PRKG1: variants seen among roughly 807,000 people sequenced by gnomAD.
PRKG1 encodes cGMP-dependent protein kinase 1.
A neutral mutation model predicts 88.1 loss-of-function variants in PRKG1; 35 were observed. The ratio of observed to expected loss-of-function variants is 0.40; its 90% CI spans 0.30 to 0.53. PRKG1 has a LOEUF of 0.53. PRKG1 is among the 20% of genes least tolerant of loss of function. The probability of loss-of-function intolerance (pLI) is 0.59; values close to 1 mark genes in which losing one functional copy is unlikely to be tolerated. For missense variants in PRKG1, 540 were observed against 839.8 expected (o/e 0.64, Z 4.41); for synonymous variants, 303 against 292.5 (o/e 1.04, Z -0.37).
chr10:51,976,776 A>G (rs1301582194), intron 5 of PRKG1, among the ~76,000 whole-genome samples: 2 of 152,020 alleles, frequency 1.3e-5, no homozygotes, highest in Non-Finnish European at 2.9e-5. Context: ...TTATATCTCA[A>G]TGAAGAAAAC....
At chr10:51,851,674 A>G (rs2132807893) in intron 4 of PRKG1, among the ~76,000 whole-genome samples, 1 of 152,326 alleles carries the variant, frequency 6.6e-6, no homozygotes. Flanking sequence ...CATTCTCGCT[A>G]TAAATTTTAG....
chr10:52,288,718 T>C lies in PRKG1; in HGVS notation c.1710-8T>C. The stretch of plus-strand genomic sequence containing the variant: ...TAATATCTCTTGTCGTGTCTCTCAT[T>C]CTTGCAGCCCACCTTTCTCAGGCCC... On this transcript the variant is annotated splice_polypyrimidine_tract_variant and splice_region_variant and intron_variant, in intron 14 of 17. Transcript: ENST00000373980. 6.4e-7 allele frequency: 1 copy of C among 1,573,082 alleles called. No individual in the cohort carries two copies. The highest frequency in any genetic ancestry group is 1.2e-5 in the South Asian group (1 of 83,248).
intron 2 of PRKG1, among the ~76,000 whole-genome samples, chr10:51,428,318 C>T (rs1838655512): frequency 6.6e-6 from 1 of 152,070 alleles, no homozygotes; most frequent in Non-Finnish European, 1.5e-5. Flanking sequence ...AACTCTTATT[C>T]CCTGGTCTTG....
At chr10:52,217,533 TAGAG>T (rs1371482820) in intron 9 of PRKG1, among the ~76,000 whole-genome samples, 2 of 148,222 alleles carry the variant, frequency 1.3e-5, no homozygotes, top group East Asian at 3.9e-4. Flanking sequence ...AAATGGTACA[TAGAG>T]AGATTTAGAT....
At chr10:51,596,760 G>A (rs1322293504) in intron 3 of PRKG1, among the ~76,000 whole-genome samples, 1 of 152,080 alleles carries the variant, frequency 6.6e-6, no homozygotes, top group Non-Finnish European at 1.5e-5. Flanking sequence ...TGAAAGCTAG[G>A]GGAAGGATAA....
chr10:51,106,459 C>T (rs1406883613), intron 1 of PRKG1, among the ~76,000 whole-genome samples: 1 of 152,138 alleles, frequency 6.6e-6, no homozygotes, highest in Non-Finnish European at 1.5e-5. Context: ...AAGAAACTCC[C>T]TAATGAAATT....
chr10:51,906,988 C>A (rs1165506975), intron 4 of PRKG1, among the ~76,000 whole-genome samples: 9 of 152,088 alleles, frequency 5.9e-5, no homozygotes, highest in South Asian at 4.1e-4. Flanking sequence ...TTAAGACTTA[C>A]AATGAGACTT....
intron 9 of PRKG1, among the ~76,000 whole-genome samples, chr10:52,195,507 C>T (rs11001138): frequency 0.051 from 7,789 of 152,100 alleles, 690 homozygotes; most frequent in African/African-American, 0.18. Flanking sequence ...TTCTTTTCAA[C>T]CTATAAATAC....
At chr10:51,253,464 C>T (rs1483596369) in intron 2 of PRKG1, among the ~76,000 whole-genome samples, 1 of 151,852 alleles carries the variant, frequency 6.6e-6, no homozygotes, top group South Asian at 2.1e-4. Context: ...AATAGACATC[C>T]CCTTCTACCA....
intron 10 of PRKG1, among the ~76,000 whole-genome samples, chr10:52,265,334 C>A (rs79256672): frequency 0.014 from 2,190 of 152,184 alleles, 38 homozygotes; most frequent in African/African-American, 0.048. Context: ...TCATATGGGA[C>A]TTTTGCATAA....
chr10:52,260,655 CA>C (rs1414897928), intron 10 of PRKG1, among the ~76,000 whole-genome samples: 1 of 151,838 alleles, frequency 6.6e-6, no homozygotes, highest in Non-Finnish European at 1.5e-5. Context: ...TTTCCTTATA[CA>C]AGGGAGATTA....
chr10:52,015,699 T>C (rs188868066), intron 5 of PRKG1, among the ~76,000 whole-genome samples: 26 of 152,374 alleles, frequency 1.7e-4, no homozygotes, highest in Admixed American at 8.5e-4. Flanking sequence ...TAAGTTCCAA[T>C]TTCAAATTAT....
intron 9 of PRKG1, among the ~76,000 whole-genome samples, chr10:52,228,285 G>GA (rs71947602): frequency 0.2 from 26,278 of 133,966 alleles, 3,694 homozygotes; most frequent in African/African-American, 0.39. Context: ...GAAGTAAAAA[G>GA]AAAAAAAAAA....
chr10:51,926,512 C>T (rs964543781), intron 5 of PRKG1, among the ~76,000 whole-genome samples: 6 of 152,102 alleles, frequency 3.9e-5, no homozygotes, highest in African/African-American at 1.4e-4. Flanking sequence ...TCTCAGCTGT[C>T]GCCACTGTTT....
At chr10:51,514,417 A>G (rs1841515487) in intron 3 of PRKG1, among the ~76,000 whole-genome samples, 1 of 152,220 alleles carries the variant, frequency 6.6e-6, no homozygotes, top group Non-Finnish European at 1.5e-5. Flanking sequence ...TAAAAAAACA[A>G]TTGATCACAA....
intron 1 of PRKG1, among the ~76,000 whole-genome samples, chr10:51,075,731 G>T (rs890540369): frequency 1.3e-5 from 2 of 152,112 alleles, no homozygotes; most frequent in Non-Finnish European, 1.5e-5. Flanking sequence ...CAACCACTCT[G>T]GCATTGTTCT....
At chr10:51,152,485 G>A (rs1005076250) in intron 1 of PRKG1, among the ~76,000 whole-genome samples, 2 of 151,980 alleles carry the variant, frequency 1.3e-5, no homozygotes, top group African/African-American at 4.8e-5. Context: ...TATTACTTGA[G>A]CAGTATTATC....
chr10:51,296,218 T>C (rs1840716880), intron 2 of PRKG1, among the ~76,000 whole-genome samples: 1 of 152,284 alleles, frequency 6.6e-6, no homozygotes, highest in East Asian at 1.9e-4. Flanking sequence ...CCTCCTATTT[T>C]ATTTTTTTGG....
At chr10:51,178,172 A>T (rs1053156634) in intron 2 of PRKG1, among the ~76,000 whole-genome samples, 1 of 152,182 alleles carries the variant, frequency 6.6e-6, no homozygotes, top group Non-Finnish European at 1.5e-5. Context: ...ATATTGAGTG[A>T]TTAAAAAATA....
Sources: gnomAD v4.1 joint callset for allele counts (sites outside exome capture counted in the v4.1 genomes callset) on GRCh38, gnomAD v4.1.1 for gene constraint, MANE v1.5 for transcripts, NCBI Gene and HGNC (gene_info 2026-07-23, HGNC 2026-07-21) for gene names.